The following KSR2 variants were observed in gnomAD, a reference collection of about 807,000 sequenced individuals.
The protein encoded by KSR2 is kinase suppressor of ras 2.
In KSR2, 25 loss-of-function variants were observed where a neutral mutation model predicts 107.8. The observed-to-expected ratio is 0.23, with a 90% CI of 0.17 to 0.32. The LOEUF is 0.32. Among genes scored for constraint, KSR2 ranks in the 10% least tolerant of loss-of-function variants. The probability of loss-of-function intolerance (pLI) is 1.00; values close to 1 mark genes in which losing one functional copy is unlikely to be tolerated. For missense variants in KSR2, 887 were observed against 1,268.9 expected (o/e 0.70, Z 4.57); for synonymous variants, 480 against 507.0 (o/e 0.95, Z 0.71).
At chr12:117,642,038 C>A (rs1883394368) in intron 5 of KSR2, among the ~76,000 whole-genome samples, 1 of 152,196 alleles carries the variant, frequency 6.6e-6, no homozygotes, top group African/African-American at 2.4e-5. Context: ...CATCATCTGG[C>A]TGGCCCTACT....
At chr12:117,656,981 G>GATATATATATATATATATAT (rs59605571) in intron 5 of KSR2, among the ~76,000 whole-genome samples, 1 of 98,210 alleles carries the variant, frequency 1.0e-5, no homozygotes, top group African/African-American at 4.3e-5. Context: ...TATATAATAG[G>GATATATATATATATATATAT]ATATATATAT....
At chr12:117,563,215 G>A (rs946351130) in intron 7 of KSR2, among the ~76,000 whole-genome samples, 4 of 152,200 alleles carry the variant, frequency 2.6e-5, no homozygotes, top group African/African-American at 9.7e-5. Flanking sequence ...CCAAGGTCCT[G>A]ATTGGGTAAG....
intron 3 of KSR2, among the ~76,000 whole-genome samples, chr12:117,787,967 GA>G (rs935187221): frequency 3.9e-5 from 6 of 152,158 alleles, no homozygotes; most frequent in African/African-American, 1.4e-4. Flanking sequence ...CAATTTTAAA[GA>G]AGCAATTTCT....
intron 17 of KSR2, 110 bp downstream of exon 17, chr12:117,476,354 T>C: frequency 7.5e-7 from 1 of 1,340,022 alleles, no homozygotes; most frequent in Non-Finnish European, 9.8e-7. Context: ...TCCAGCCACT[T>C]TGGCCCTGTA....
intron 3 of KSR2, among the ~76,000 whole-genome samples, chr12:117,840,299 T>C (rs964455768): frequency 6.6e-6 from 1 of 152,146 alleles, no homozygotes; most frequent in Non-Finnish European, 1.5e-5. Context: ...GGTTTCACCA[T>C]GTTGGCCAGG....
Position 117,637,374 on chromosome 12 carries a change from T to C in KSR2, c.1171+30100A>G, listed in dbSNP as rs77274882. On this transcript the variant is annotated intron_variant, in intron 5 of 19. Coordinates refer to ENST00000339824, the MANE Select transcript of KSR2 (RefSeq NM_173598.6). ...GGGGAAGAGTGCTACCAGCCTGTAATGGTAGGTGCCAAGAATGCTGCTACA... is the reference window on the plus strand; with the variant it reads ...GGGGAAGAGTGCTACCAGCCTGTAACGGTAGGTGCCAAGAATGCTGCTACA... 1.8e-3 allele frequency among the ~76,000 whole-genome samples: 280 copies of C among 152,158 alleles called. 1 individual carries two copies. Among genetic ancestry groups the C allele is most frequent in the African/African-American group, 6.2e-3 (257 of 41,510 alleles).
chr12:117,607,359 T>C (rs1471619710), intron 5 of KSR2, among the ~76,000 whole-genome samples: 1 of 152,150 alleles, frequency 6.6e-6, no homozygotes, highest in African/African-American at 2.4e-5. Flanking sequence ...GAAAGAGACA[T>C]AGCTATTCCG....
At chr12:117,541,463 T>C (rs2137290043) in intron 9 of KSR2, among the ~76,000 whole-genome samples, 2 of 152,316 alleles carry the variant, frequency 1.3e-5, no homozygotes, top group South Asian at 4.1e-4. Context: ...TTTCACCAGA[T>C]GGCAAGAGAT....
chr12:117,659,151 C>T (rs527463925), intron 5 of KSR2, among the ~76,000 whole-genome samples: 7 of 152,274 alleles, frequency 4.6e-5, no homozygotes, highest in Admixed American at 4.6e-4. Context: ...CCCACTCTGA[C>T]AGCATGTACC....
chr12:117,926,105 G>C (rs1393999258), intron 1 of KSR2, among the ~76,000 whole-genome samples: 1 of 152,172 alleles, frequency 6.6e-6, no homozygotes, highest in Non-Finnish European at 1.5e-5. Context: ...GCTGAGGCAG[G>C]AGAATCACTT....
intron 1 of KSR2, among the ~76,000 whole-genome samples, chr12:117,966,475 C>T (rs560528422): frequency 3.9e-5 from 6 of 152,178 alleles, no homozygotes; most frequent in African/African-American, 1.2e-4. Flanking sequence ...ACCTGTGCCT[C>T]CCAACACAAT....
intron 9 of KSR2, among the ~76,000 whole-genome samples, chr12:117,540,344 C>A (rs925602770): frequency 5.3e-5 from 8 of 152,114 alleles, no homozygotes. Context: ...GGAACCAGCA[C>A]TGCCTCTCCT....
chr12:117,540,788 C>A (rs916572586), intron 9 of KSR2, among the ~76,000 whole-genome samples: 1 of 152,182 alleles, frequency 6.6e-6, no homozygotes, highest in Non-Finnish European at 1.5e-5. Flanking sequence ...CCTTCAGAGC[C>A]TCTAGAAGGC....
chr12:117,555,436 G>A (rs140078506), intron 8 of KSR2, 143 bp from the exon 9 acceptor site: 17 of 783,016 alleles, frequency 2.2e-5, no homozygotes, highest in Non-Finnish European at 3.1e-5. Flanking sequence ...TGATTCTGTG[G>A]TGGGATCAGG....
Position 117,458,974 on chromosome 12 carries a change from A to G in KSR2, c.*8225T>C, listed in dbSNP as rs936673137. On this transcript the variant is annotated 3_prime_UTR_variant, in exon 20 of 20. Transcript: ENST00000339824. ...AGCCCTTGCAGCTCTCCTGCACACCACCACGCACACTGTTATTCCTTAAGG... is the reference window on the plus strand; with the variant it reads ...AGCCCTTGCAGCTCTCCTGCACACCGCCACGCACACTGTTATTCCTTAAGG... 1 of 152,214 alleles carries G rather than the reference A, an allele frequency of 6.6e-6. No individual in the cohort carries two copies. Among genetic ancestry groups the G allele is most frequent in the Non-Finnish European group, 1.5e-5 (1 of 68,074 alleles). 9.4% of individuals were successfully genotyped at this position (152,214 alleles called of 1,614,324 possible). A position where few individuals can be genotyped will look rare whatever the true frequency, so the allele number is the denominator to read the frequency against.
intron 3 of KSR2, among the ~76,000 whole-genome samples, chr12:117,839,116 C>CTCA: frequency 6.6e-6 from 1 of 152,248 alleles, no homozygotes; most frequent in South Asian, 2.1e-4. Context: ...CCCACACGAT[C>CTCA]TCATTCCTGA....
intron 1 of KSR2, among the ~76,000 whole-genome samples, chr12:117,867,846 A>G (rs1303535529): frequency 1.3e-5 from 2 of 152,196 alleles, no homozygotes; most frequent in Non-Finnish European, 2.9e-5. Flanking sequence ...TGTTTGTTAC[A>G]CAGCATTATG....
intron 4 of KSR2, among the ~76,000 whole-genome samples, chr12:117,710,821 T>C (rs1374204008): frequency 1.4e-4 from 22 of 152,060 alleles, no homozygotes; most frequent in Admixed American, 1.4e-3. Context: ...TGGTGCACTG[T>C]CTCATATTCC....
chr12:117,698,670 T>G lies in KSR2; in HGVS notation c.987-31012A>C, dbSNP rs1203288153. 5.3e-5 allele frequency among the ~76,000 whole-genome samples: 8 copies of G among 152,114 alleles called. No individual in the cohort carries two copies. The South Asian group carries it at 1.5e-3, about 28-fold the overall frequency. On this transcript the variant is annotated intron_variant, in intron 4 of 19. Transcript: ENST00000339824. ...TTACATCTGTCATCCCTTCCTAGCTTCATCCACAGCACATACACCCAGATC... is the reference window on the plus strand; with the variant it reads ...TTACATCTGTCATCCCTTCCTAGCTGCATCCACAGCACATACACCCAGATC...
Sources: gnomAD v4.1 joint callset for allele counts (sites outside exome capture counted in the v4.1 genomes callset) on GRCh38, gnomAD v4.1.1 for gene constraint, MANE v1.5 for transcripts, NCBI Gene and HGNC (gene_info 2026-07-23, HGNC 2026-07-21) for gene names.